The following MYT1L variants were observed in gnomAD, a reference collection of about 807,000 sequenced individuals.
MYT1L encodes myelin transcription factor 1-like protein.
In MYT1L, 12 loss-of-function variants were observed where a neutral mutation model predicts 126.7. The observed-to-expected ratio is 0.09, with a 90% CI of 0.06 to 0.15. The LOEUF (loss-of-function observed/expected upper bound fraction) is 0.15, where lower values mean the gene tolerates loss of function less well. MYT1L is among the 10% of genes least tolerant of loss of function. MYT1L has a pLI of 1.00. For missense variants in MYT1L, 979 were observed against 1,585.2 expected, an observed-to-expected ratio of 0.62 and a Z score of 6.49; for synonymous variants, 541 against 604.2, an observed-to-expected ratio of 0.90 and a Z score of 1.53.
chr2:2,187,587 G>A (rs1424624559), intron 2 of MYT1L, among the ~76,000 whole-genome samples: 1 of 151,724 alleles, frequency 6.6e-6, no homozygotes, highest in African/African-American at 2.4e-5. Flanking sequence ...GGCAGAAGGG[G>A]GCACACTCCA....
chr2:1,911,561 C>A (rs1272550677), intron 12 of MYT1L, among the ~76,000 whole-genome samples: 1 of 152,122 alleles, frequency 6.6e-6, no homozygotes, highest in East Asian at 1.9e-4. Flanking sequence ...CCACAGACCA[C>A]CCCCCAACCT....
chr2:2,097,203 AG>A (rs1334301560), intron 3 of MYT1L, among the ~76,000 whole-genome samples: 1 of 152,168 alleles, frequency 6.6e-6, no homozygotes, highest in Non-Finnish European at 1.5e-5. Context: ...GCGCTGCAGC[AG>A]GAACTCCCTC....
intron 2 of MYT1L, among the ~76,000 whole-genome samples, chr2:2,183,961 G>A (rs568044756): frequency 4.5e-4 from 65 of 144,082 alleles, no homozygotes; most frequent in African/African-American, 1.7e-3. Context: ...GAAAGGGAGG[G>A]AGGGAAGAAG....
chr2:1,995,926 A>G (rs934766040), intron 5 of MYT1L, among the ~76,000 whole-genome samples: 2 of 152,210 alleles, frequency 1.3e-5, no homozygotes, highest in Non-Finnish European at 2.9e-5. Flanking sequence ...TCTGTTTCTT[A>G]GAATCCAAGA....
At position 1,979,254 on chromosome 2, in the gene MYT1L, G is replaced by A. The variant is rs774619935; in HGVS notation, c.90-27C>T. On this transcript the variant is annotated intron_variant, in intron 7 of 24. Transcript: ENST00000647738. The surrounding 1 kb of genome is among the most constrained non-coding windows in gnomAD (Gnocchi z 4.0). ...TGCAACAGGAAAGAATGGATTACAC[G>A]GTGCCGCAGGCAGGCAGGTGAGACG... 9 of 1,604,334 alleles carry A rather than the reference G, an allele frequency of 5.6e-6. No homozygotes were observed. Among genetic ancestry groups the A allele is most frequent in the Admixed American group, 3.3e-5 (2 of 59,742 alleles).
At chr2:2,212,108 G>A (rs535452499) in intron 2 of MYT1L, among the ~76,000 whole-genome samples, 34 of 152,074 alleles carry the variant, frequency 2.2e-4, no homozygotes, top group South Asian at 6.2e-4. Context: ...GGAAAATGGC[G>A]GTGTCTATAT....
At chr2:1,902,108 A>G (rs1038975704) in intron 14 of MYT1L, among the ~76,000 whole-genome samples, 1 of 152,258 alleles carries the variant, frequency 6.6e-6, no homozygotes, top group African/African-American at 2.4e-5. Flanking sequence ...AATTACGTCT[A>G]TACAGCCTAG....
chr2:2,228,557 A>T lies in MYT1L; in HGVS notation c.-420-55569T>A, dbSNP rs1559396551. The stretch of plus-strand genomic sequence containing the variant: ...TTGCCAATCTTTTTGATTTTATAGA[A>T]AAAGTATTTATATAAATTCTTGAGT... On this transcript the variant is annotated intron_variant, in intron 2 of 24. Coordinates refer to ENST00000647738, the MANE Select transcript of MYT1L (RefSeq NM_001303052.2). The surrounding 1 kb of genome is among the most constrained non-coding windows in gnomAD (Gnocchi z 5.9). 6.6e-6 allele frequency among the ~76,000 whole-genome samples: 1 copy of T among 152,216 alleles called. No homozygotes were observed. The highest frequency in any genetic ancestry group is 6.5e-5 in the Admixed American group (1 of 15,280).
intron 2 of MYT1L, among the ~76,000 whole-genome samples, chr2:2,198,331 C>A (rs11676685): frequency 1.3e-5 from 2 of 151,804 alleles, no homozygotes; most frequent in African/African-American, 4.8e-5. Context: ...GCAAGAGGAC[C>A]GAGCTCTGGT....
At chr2:1,818,074 C>G (rs34526459) in intron 21 of MYT1L, among the ~76,000 whole-genome samples, 55,838 of 151,832 alleles carry the variant, frequency 0.37, 11,292 homozygotes, top group East Asian at 0.65. Flanking sequence ...AACCGAGCTC[C>G]GGGAGGCCCT....
chr2:1,979,433 G>T lies in MYT1L; in HGVS notation c.89+88C>A. The T allele has an allele frequency of 1.5e-6, 2 of 1,339,734 alleles. No individual in the cohort carries two copies. The highest frequency in any genetic ancestry group is 3.4e-5 in the Admixed American group (2 of 59,442). The allele number at this position is 1,339,734 out of a possible 1,614,324, so 83.0% of individuals were successfully genotyped here. ...TGCAGCAGGGCGTGAGCAAGCTGCC[G>T]ATGAGCTGGAAGGTGCAGTGTGCCC... On this transcript the variant is annotated intron_variant, in intron 7 of 24. Transcript: ENST00000647738. The surrounding 1 kb of genome is among the most constrained non-coding windows in gnomAD (Gnocchi z 4.0).
intron 3 of MYT1L, among the ~76,000 whole-genome samples, chr2:2,060,425 G>A (rs1198969210): frequency 6.6e-6 from 1 of 152,066 alleles, no homozygotes; most frequent in African/African-American, 2.4e-5. Flanking sequence ...AGTTAATTAT[G>A]TAGTGAATAA....
chr2:1,916,098 G>A (rs754180246), intron 11 of MYT1L, among the ~76,000 whole-genome samples: 5 of 152,130 alleles, frequency 3.3e-5, no homozygotes, highest in Non-Finnish European at 5.9e-5. Context: ...TTGTTCACAA[G>A]ATGGTTACAA....
At chr2:1,965,230 GGC>G (rs35233325) in intron 8 of MYT1L, among the ~76,000 whole-genome samples, 33,881 of 136,392 alleles carry the variant, frequency 0.25, 5,456 homozygotes, top group African/African-American at 0.41. Context: ...GGAGGACCCA[GGC>G]ACTCTGTGAC....
intron 4 of MYT1L, among the ~76,000 whole-genome samples, chr2:2,027,523 A>T (rs561960293): frequency 1.3e-5 from 2 of 152,354 alleles, no homozygotes; most frequent in African/African-American, 4.8e-5. Context: ...CGTGTAGAAT[A>T]GCGTTGTCAA....
chr2:1,866,939 C>G (rs75198088), intron 18 of MYT1L, among the ~76,000 whole-genome samples: 41,345 of 117,796 alleles, frequency 0.35, 8,051 homozygotes, highest in East Asian at 0.57. Flanking sequence ...TGGGGAAAGG[C>G]AGGGAGAGAG....
intron 4 of MYT1L, among the ~76,000 whole-genome samples, chr2:2,022,987 T>C (rs1159753858): frequency 6.6e-6 from 1 of 152,144 alleles, no homozygotes; most frequent in Non-Finnish European, 1.5e-5. Context: ...AGAGGGTAAA[T>C]TTTCTTCACC....
rs114294145 is a variant in MYT1L at position 2,189,763 on chromosome 2, A to C, written c.-420-16775T>G. Among the ~76,000 whole-genome samples, 816 of 152,180 alleles carry C rather than the reference A, an allele frequency of 5.4e-3. 5 individuals are homozygous for C. Among genetic ancestry groups the C allele is most frequent in the African/African-American group, 0.018 (757 of 41,506 alleles). On this transcript the variant is annotated intron_variant, in intron 2 of 24. Coordinates refer to ENST00000647738, the MANE Select transcript of MYT1L (RefSeq NM_001303052.2). ...GCGTTCTCAGGACCTCACGGTGAGA[A>C]GCGCATTCTCAGGACCGCACGGGGA...
At chr2:1,850,892 A>G (rs1239639605) in intron 19 of MYT1L, among the ~76,000 whole-genome samples, 2 of 152,134 alleles carry the variant, frequency 1.3e-5, no homozygotes, top group East Asian at 3.9e-4. Context: ...GTTTGAGCTG[A>G]GTCCAGTCTC....
Sources: gnomAD v4.1 joint callset for allele counts (sites outside exome capture counted in the v4.1 genomes callset) on GRCh38, gnomAD v4.1.1 for gene constraint, Gnocchi (gnomAD v3.1) non-coding constraint, MANE v1.5 for transcripts, NCBI Gene and HGNC (gene_info 2026-07-23, HGNC 2026-07-21) for gene names.